SIN3A: variants seen among roughly 807,000 people sequenced by gnomAD.
SIN3A encodes the protein SIN3 transcription regulator family member A, also known as paired amphipathic helix protein Sin3a.
Under a neutral mutation model 146.1 loss-of-function variants are expected in SIN3A, and 14 were observed. The ratio of observed to expected loss-of-function variants is 0.10; its 90% CI spans 0.06 to 0.15. SIN3A has a LOEUF of 0.15. Among genes scored for constraint, SIN3A ranks in the 10% least tolerant of loss-of-function variants. The pLI is 1.00. For synonymous variants in SIN3A, 572 were observed against 572.0 expected, an observed-to-expected ratio of 1.00 and a Z score of 0.00; for missense variants, 1,028 against 1,576.0, an observed-to-expected ratio of 0.65 and a Z score of 5.89.
chr15:75,445,716 A>G (rs1159043568), intron 1 of SIN3A, among the ~76,000 whole-genome samples: 1 of 150,038 alleles, frequency 6.7e-6, no homozygotes, highest in East Asian at 1.9e-4. Flanking sequence ...GTACCACTGC[A>G]CTCTAGCCTG....
upstream of SIN3A, among the ~76,000 whole-genome samples, chr15:75,455,267 C>G (rs2074472953): frequency 6.6e-6 from 1 of 152,124 alleles, no homozygotes; most frequent in Non-Finnish European, 1.5e-5. Context: ...CGAGCAACTC[C>G]GAGCGCCGCG....
intron 8 of SIN3A, among the ~76,000 whole-genome samples, chr15:75,407,640 C>T: frequency 6.6e-6 from 1 of 151,928 alleles, no homozygotes; most frequent in East Asian, 1.9e-4. Flanking sequence ...TGCCTGTAAT[C>T]CCAGCACTTT....
chr15:75,430,480 T>C (rs942169431), intron 1 of SIN3A, 72 bp from the exon 2 acceptor site: 2 of 1,186,406 alleles, frequency 1.7e-6, no homozygotes, highest in Non-Finnish European at 1.2e-6. Context: ...TTAGGACCAG[T>C]CACCCAAGTT....
chr15:75,445,759 GAA>G (rs774883850), intron 1 of SIN3A, among the ~76,000 whole-genome samples: 102 of 86,452 alleles, frequency 1.2e-3, no homozygotes, highest in Middle Eastern at 0.01. Context: ...TCAAAAAAAA[GAA>G]AAAAAAAAAA....
At chr15:75,382,542 A>C (rs2072991836) in intron 17 of SIN3A, among the ~76,000 whole-genome samples, 2 of 152,226 alleles carry the variant, frequency 1.3e-5, no homozygotes, top group Admixed American at 1.3e-4. Flanking sequence ...ATTGGAAACA[A>C]CCTAAATGTC....
In SIN3A at chr15:75,400,931, A is replaced by G; in HGVS notation, c.1536T>C (p.Pro512=). Residue 512 remains proline, a synonymous_variant, in exon 11 of 21, where the codon CCT becomes CCC. Transcript: ENST00000394947. ...QLVSPFLGKF[P]ELFNWFKNFL... ...AGTTTTTAAACCAATTAAACAACTC[A>G]GGGAATTTCCTGAAGAATCAAACCA... The G allele has an allele frequency of 6.2e-7, 1 of 1,612,496 alleles. No individual in the cohort carries two copies.
chr15:75,384,971 C>T (rs1567322951), intron 16 of SIN3A, among the ~76,000 whole-genome samples: 1 of 152,066 alleles, frequency 6.6e-6, no homozygotes, highest in Non-Finnish European at 1.5e-5. Context: ...GTCAGGTGTT[C>T]AAAACCAGCC....
rs1180165033 is a variant in SIN3A, at chr15:75,411,724, T to C, written c.776A>G (p.His259Arg). 1 of 1,604,808 alleles carries C rather than the reference T, an allele frequency of 6.2e-7. No homozygotes were observed. The highest frequency in any genetic ancestry group is 8.5e-7 in the Non-Finnish European group (1 of 1,173,798). ...KVSKPSQLQA[H>R]TPASQQTPPL... ...GGGAGTCTGCTGACTGGCCGGAGTA[T>C]GTGCTTGCAGTTGGGAGGGCTAGAA... The change falls in exon 6 of 21, where the codon CAT becomes CGT. Residue 259 changes from histidine (H) to arginine (R), a missense_variant. By Grantham distance (29) the His-to-Arg change is conservative. Transcript: ENST00000394947.
intron 10 of SIN3A, 121 bp downstream of exon 10, chr15:75,401,731 A>C: frequency 1.5e-6 from 1 of 648,684 alleles, no homozygotes; most frequent in Non-Finnish European, 2.7e-6. Flanking sequence ...TTCTGGCACT[A>C]ACATTTGAGT....
At chr15:75,449,211 A>G (rs2074358810) in intron 1 of SIN3A, among the ~76,000 whole-genome samples, 1 of 152,192 alleles carries the variant, frequency 6.6e-6, no homozygotes, top group African/African-American at 2.4e-5. Flanking sequence ...CTCCCCACCA[A>G]TTCTATTACA....
chr15:75,425,448 G>T (rs2073909116), intron 2 of SIN3A, among the ~76,000 whole-genome samples: 1 of 152,178 alleles, frequency 6.6e-6, no homozygotes, highest in Non-Finnish European at 1.5e-5. Context: ...GATTACAGGT[G>T]TGAGCCACCG....
chr15:75,408,701 C>T (rs1398378080), intron 8 of SIN3A, among the ~76,000 whole-genome samples: 2 of 152,206 alleles, frequency 1.3e-5, no homozygotes, highest in Non-Finnish European at 2.9e-5. Context: ...CCCTCTGCTA[C>T]AGCCCAAAGG....
chr15:75,414,374 A>C (rs935739687), intron 3 of SIN3A, 63 bp from the exon 4 acceptor site: 113 of 857,836 alleles, frequency 1.3e-4, no homozygotes, highest in South Asian at 9.6e-4. Context: ...CAAAAAAAAA[A>C]CAAAAACAAA....
chr15:75,430,358 A>G lies in SIN3A; in HGVS notation c.18T>C (p.Asp6=). 6.2e-7 allele frequency: 1 copy of G among 1,611,208 alleles called. No individual in the cohort carries two copies. The change falls in exon 2 of 21, where the codon GAT becomes GAC. Residue 6 remains aspartate, a synonymous_variant. Coordinates refer to ENST00000394947, the MANE Select transcript of SIN3A (RefSeq NM_001145358.2). The stretch of plus-strand genomic sequence containing the variant: ...CTGCATACACCGGTGACTCCTGGTC[A>G]TCCAAACGCCGCTTCATTCTGTGCT... MKRRL[D]DQESPVYAAQ...
chr15:75,446,170 C>G (rs1419072005), intron 1 of SIN3A: 2 of 151,882 alleles, frequency 1.3e-5, no homozygotes, highest in Non-Finnish European at 2.9e-5. Flanking sequence ...TGACAGGTAT[C>G]AAGAACAAAA....
At chr15:75,413,237 C>T (rs1363631520) in intron 4 of SIN3A, among the ~76,000 whole-genome samples, 192 bp from the exon 5 acceptor site, 1 of 152,180 alleles carries the variant, frequency 6.6e-6, no homozygotes, top group Non-Finnish European at 1.5e-5. Flanking sequence ...TCTCCTGCCT[C>T]AGCCTCCCAA....
At chr15:75,380,487 A>G in intron 19 of SIN3A, 142 bp downstream of exon 19, 1 of 638,598 alleles carries the variant, frequency 1.6e-6, no homozygotes, top group Non-Finnish European at 2.8e-6. Context: ...TGTGACAGCC[A>G]TATAAAACCT....
intron 1 of SIN3A, among the ~76,000 whole-genome samples, chr15:75,449,484 A>G (rs188641027): frequency 6.6e-6 from 1 of 152,268 alleles, no homozygotes; most frequent in Non-Finnish European, 1.5e-5. Flanking sequence ...ATAGGAAAAG[A>G]TAATGTATCA....
chr15:75,433,166 T>A (rs921288389), intron 1 of SIN3A, among the ~76,000 whole-genome samples: 1 of 152,108 alleles, frequency 6.6e-6, no homozygotes, highest in African/African-American at 2.4e-5. Flanking sequence ...TGGGAGAATG[T>A]TTGAGGGCAA....
Sources: allele counts gnomAD v4.1 joint callset (sites outside exome capture counted in the v4.1 genomes callset), GRCh38; gene constraint gnomAD v4.1.1; transcripts MANE v1.5; gene names NCBI Gene and HGNC (gene_info 2026-07-23, HGNC 2026-07-21).